The following ROBO2 variants were observed in gnomAD, a reference collection of about 807,000 sequenced individuals.
ROBO2 encodes roundabout guidance receptor 2.
Under a neutral mutation model 160.8 loss-of-function variants are expected in ROBO2, and 53 were observed. The observed-to-expected ratio is 0.33, with a 90% CI of 0.26 to 0.41. The LOEUF is 0.41. Ranked by LOEUF, ROBO2 falls within the 10% of genes least tolerant of loss-of-function variation. The pLI, the probability that ROBO2 is intolerant of heterozygous loss-of-function variation, is 1.00. For synonymous variants in ROBO2, 664 were observed against 611.7 expected, an observed-to-expected ratio of 1.09 and a Z score of -1.26; for missense variants, 1,577 against 1,722.4, an observed-to-expected ratio of 0.92 and a Z score of 1.49.
intron 1 of ROBO2, among the ~76,000 whole-genome samples, chr3:77,096,844 G>T (rs1486701116): frequency 6.6e-6 from 1 of 152,168 alleles, no homozygotes; most frequent in African/African-American, 2.4e-5. Context: ...ACTGTGCATG[G>T]TGATATACCA....
intron 2 of ROBO2, among the ~76,000 whole-genome samples, chr3:75,973,789 A>T (rs1399513459): frequency 1.3e-5 from 2 of 151,626 alleles, no homozygotes; most frequent in African/African-American, 4.8e-5. Flanking sequence ...TTTTAGATGG[A>T]GTGGCTTCCG....
intron 2 of ROBO2, among the ~76,000 whole-genome samples, chr3:77,460,603 G>A (rs757110011): frequency 6.6e-6 from 1 of 152,126 alleles, no homozygotes; most frequent in African/African-American, 2.4e-5. Context: ...ATTAAGAAAA[G>A]TATTCCAGAA....
chr3:77,517,340 G>A (rs896402970), intron 5 of ROBO2, among the ~76,000 whole-genome samples: 3 of 151,350 alleles, frequency 2.0e-5, no homozygotes, highest in African/African-American at 7.3e-5. Flanking sequence ...ACACAGAACT[G>A]GCTTCTTACA....
At chr3:76,876,350 GTCT>G (rs1352442865) in intron 2 of ROBO2, among the ~76,000 whole-genome samples, 1 of 152,168 alleles carries the variant, frequency 6.6e-6, no homozygotes, top group African/African-American at 2.4e-5. Flanking sequence ...CACATAAGAG[GTCT>G]TCTTTGCAGT....
intron 2 of ROBO2, among the ~76,000 whole-genome samples, chr3:76,254,701 G>A (rs974692245): frequency 5.3e-5 from 8 of 150,962 alleles, no homozygotes; most frequent in East Asian, 2.0e-4. Flanking sequence ...ATGAACCCAC[G>A]TATTAAAATT....
At chr3:76,136,215 C>G (rs139177620) in intron 2 of ROBO2, among the ~76,000 whole-genome samples, 2 of 152,092 alleles carry the variant, frequency 1.3e-5, no homozygotes, top group African/African-American at 2.4e-5. Flanking sequence ...GTTTACATAG[C>G]ATTCAAATAC....
In ROBO2 at chr3:77,498,238, A is replaced by G. The variant is rs559682443; in HGVS notation, c.806+4856A>G. Among the ~76,000 whole-genome samples, 7 of 152,282 alleles carry G rather than the reference A, an allele frequency of 4.6e-5. No homozygotes were observed. In the East Asian group the frequency reaches 1.2e-3, roughly 25 times the overall value. On this transcript the variant is annotated intron_variant, in intron 5 of 25. Transcript: ENST00000461745. ...CTCTAAAGTGACACTAAGTTCCTCA[A>G]TAAGAACTTCTCTCTTCCACAGCCG...
chr3:77,570,659 A>G (rs1011247211), intron 13 of ROBO2, among the ~76,000 whole-genome samples: 3 of 152,032 alleles, frequency 2.0e-5, no homozygotes, highest in Non-Finnish European at 2.9e-5. Flanking sequence ...AAATAAAGTC[A>G]GACTGGGGTG....
chr3:76,758,400 A>C (rs2061108959), intron 2 of ROBO2, among the ~76,000 whole-genome samples: 2 of 151,824 alleles, frequency 1.3e-5, no homozygotes, highest in Non-Finnish European at 2.9e-5. Context: ...ATCTGGCTCC[A>C]TTGAGCTTCA....
upstream of ROBO2, among the ~76,000 whole-genome samples, chr3:77,038,827 T>C (rs1016474300): frequency 6.6e-6 from 1 of 152,188 alleles, no homozygotes. Flanking sequence ...AGTTTTGTCG[T>C]CTTTGGGCTG....
chr3:77,622,382 T>C (rs1289922860), exon 23 of ROBO2: 1 of 1,614,044 alleles, frequency 6.2e-7, no homozygotes. Context: ...CTGAGAGCAC[T>C]GGACCAGACT....
chr3:76,952,517 C>T (rs959213971), intron 2 of ROBO2, among the ~76,000 whole-genome samples: 3 of 151,940 alleles, frequency 2.0e-5, no homozygotes, highest in Admixed American at 6.6e-5. Flanking sequence ...CTCTTGACCT[C>T]GTGATCCGCC....
At chr3:76,182,663 C>T (rs998058533) in intron 2 of ROBO2, among the ~76,000 whole-genome samples, 1 of 152,034 alleles carries the variant, frequency 6.6e-6, no homozygotes, top group Admixed American at 6.6e-5. Context: ...CTTATCACTC[C>T]GCGACCAACC....
intron 21 of ROBO2, among the ~76,000 whole-genome samples, chr3:77,614,823 G>T (rs944586095): frequency 2.0e-5 from 3 of 152,132 alleles, no homozygotes; most frequent in African/African-American, 7.2e-5. Flanking sequence ...CAAACTCCTT[G>T]TAGGGGCTGA....
intron 2 of ROBO2, among the ~76,000 whole-genome samples, chr3:76,882,798 A>G (rs888882786): frequency 6.6e-6 from 1 of 152,198 alleles, no homozygotes; most frequent in African/African-American, 2.4e-5. Context: ...GTACTAGGAA[A>G]CTAAAATTTT....
chr3:77,583,034 C>T (rs892036091), intron 16 of ROBO2, among the ~76,000 whole-genome samples: 1 of 149,338 alleles, frequency 6.7e-6, no homozygotes, highest in African/African-American at 2.5e-5. Flanking sequence ...CCCAGCTACT[C>T]GGGAGGCTGA....
At chr3:76,624,966 C>T (rs575866306) in intron 2 of ROBO2, among the ~76,000 whole-genome samples, 47 of 151,702 alleles carry the variant, frequency 3.1e-4, no homozygotes, top group African/African-American at 9.9e-4. Context: ...TTTAGCCATG[C>T]GGTTCTAAAT....
At chr3:76,701,164 A>G (rs1161716025) in intron 2 of ROBO2, among the ~76,000 whole-genome samples, 1 of 152,146 alleles carries the variant, frequency 6.6e-6, no homozygotes, top group African/African-American at 2.4e-5. Context: ...GCTAAAAACC[A>G]TATTAATTTG....
intron 2 of ROBO2, among the ~76,000 whole-genome samples, chr3:77,408,969 A>G (rs2076479524): frequency 6.6e-6 from 1 of 151,954 alleles, no homozygotes. Context: ...CATGGCTTCA[A>G]GTGATCCTCT....
Sources: gnomAD v4.1 joint callset for allele counts (sites outside exome capture counted in the v4.1 genomes callset) on GRCh38, gnomAD v4.1.1 for gene constraint, MANE v1.5 for transcripts, NCBI Gene and HGNC (gene_info 2026-07-23, HGNC 2026-07-21) for gene names.